The following TMEM156 variants were observed in gnomAD, a reference collection of about 807,000 sequenced individuals.
TMEM156 encodes transmembrane protein 156.
TMEM156 carries 28 observed loss-of-function variants against 30.5 expected under a neutral mutation model. The ratio of observed to expected loss-of-function variants is 0.92; its 90% CI spans 0.68 to 1.26. The LOEUF is 1.26. Among genes scored for constraint, TMEM156 ranks in the 50% most tolerant of loss-of-function variants. The pLI, the probability that TMEM156 is intolerant of heterozygous loss-of-function variation, is 0.00. For synonymous variants in TMEM156, 137 were observed against 119.9 expected (o/e 1.14, Z -0.93); for missense variants, 351 against 340.6 (o/e 1.03, Z -0.24).
chr4:39,025,018 A>G (rs1368644324), intron 1 of TMEM156, among the ~76,000 whole-genome samples: 3 of 152,186 alleles, frequency 2.0e-5, no homozygotes, highest in Non-Finnish European at 2.9e-5. Flanking sequence ...TCATTAACAT[A>G]TGATGTTTTC....
At chr4:38,974,653 G>T (rs56084845) in intron 5 of TMEM156, among the ~76,000 whole-genome samples, 2 of 148,996 alleles carry the variant, frequency 1.3e-5, no homozygotes, top group African/African-American at 2.5e-5. Flanking sequence ...TTTAACTGAA[G>T]ATTTTTTTTA....
intron 1 of TMEM156, among the ~76,000 whole-genome samples, chr4:39,001,214 CAAA>C (rs34945666): frequency 2.6e-5 from 3 of 115,074 alleles, no homozygotes; most frequent in East Asian, 2.4e-4. Flanking sequence ...ACTAAAAATA[CAAA>C]AAAAAAAAAA....
chr4:38,986,121 A>C (rs1711962891), intron 5 of TMEM156, among the ~76,000 whole-genome samples: 1 of 152,202 alleles, frequency 6.6e-6, no homozygotes, highest in Non-Finnish European at 1.5e-5. Context: ...CAATTAAGCA[A>C]ACTTTCCATT....
chr4:39,002,897 G>A (rs1056747687), intron 1 of TMEM156, among the ~76,000 whole-genome samples: 2 of 151,922 alleles, frequency 1.3e-5, no homozygotes, highest in East Asian at 1.9e-4. Context: ...GGGGGTGGAC[G>A]GGGGAGGGAT....
intron 5 of TMEM156, among the ~76,000 whole-genome samples, chr4:38,985,238 A>G (rs993793857): frequency 1.3e-5 from 2 of 152,234 alleles, no homozygotes; most frequent in East Asian, 1.9e-4. Context: ...TATTAATCAA[A>G]TAAGATTTTC....
Position 39,021,596 on chromosome 4 carries a change from G to T in TMEM156, c.88+10630C>A, listed in dbSNP as rs537694375. On this transcript the variant is annotated intron_variant, in intron 1 of 6. Coordinates refer to ENST00000381938, the MANE Select transcript of TMEM156 (RefSeq NM_024943.3). ...GCAACTATTTTCTCTCATTCCGTAA[G>T]TTTCTTTTCACTCATTTCCTTTGCT... 1.6e-4 allele frequency among the ~76,000 whole-genome samples: 24 copies of T among 152,128 alleles called. No individual in the cohort carries two copies. In the East Asian group the frequency reaches 3.1e-3, roughly 20 times the overall value.
chr4:39,021,632 T>A (rs974735309), intron 1 of TMEM156, among the ~76,000 whole-genome samples: 3 of 152,210 alleles, frequency 2.0e-5, no homozygotes, highest in African/African-American at 7.2e-5. Flanking sequence ...ATGCAGAAGA[T>A]TTTTAGTTTG....
chr4:38,978,707 A>G (rs192116417), intron 5 of TMEM156, among the ~76,000 whole-genome samples: 1 of 152,342 alleles, frequency 6.6e-6, no homozygotes, highest in Admixed American at 6.5e-5. Context: ...GTTAAATGTT[A>G]AAACCTCTCT....
At chr4:38,996,085 A>AAT (rs1553879531) in intron 2 of TMEM156, among the ~76,000 whole-genome samples, 1 of 152,164 alleles carries the variant, frequency 6.6e-6, no homozygotes, top group Non-Finnish European at 1.5e-5. Flanking sequence ...AATTGCAAAA[A>AAT]ATATATATAT....
At chr4:39,005,385 C>A (rs560228472) in intron 1 of TMEM156, among the ~76,000 whole-genome samples, 1 of 152,208 alleles carries the variant, frequency 6.6e-6, no homozygotes, top group South Asian at 2.1e-4. Flanking sequence ...TTTATAAGAG[C>A]CTCTTCCCTC....
intron 1 of TMEM156, among the ~76,000 whole-genome samples, chr4:39,027,758 C>CTTTTTTTTTTTTTTTTT (rs112766367): frequency 1.7e-5 from 2 of 120,796 alleles, no homozygotes; most frequent in Non-Finnish European, 3.3e-5. Flanking sequence ...TTTTCTTTTT[C>CTTTTTTTTTTTTTTTTT]TTTTTTTTTT....
intron 5 of TMEM156, among the ~76,000 whole-genome samples, chr4:38,978,337 G>T (rs191628086): frequency 2.6e-3 from 391 of 152,242 alleles, no homozygotes; most frequent in South Asian, 4.1e-3. Context: ...TGCCCTCCAC[G>T]TCCCAAATAG....
intron 1 of TMEM156, among the ~76,000 whole-genome samples, chr4:39,029,121 G>A (rs770645965): frequency 5.3e-5 from 8 of 151,972 alleles, no homozygotes; most frequent in African/African-American, 9.7e-5. Context: ...TTATTATTTC[G>A]AAATCAAATC....
intron 1 of TMEM156, among the ~76,000 whole-genome samples, chr4:39,026,219 A>C (rs536528114): frequency 6.6e-6 from 1 of 152,330 alleles, no homozygotes; most frequent in Admixed American, 6.5e-5. Flanking sequence ...CACCATATGA[A>C]TGTTTTAGAG....
At position 39,032,380 on chromosome 4, in the gene TMEM156, G is replaced by A; in HGVS notation, c.-67C>T. The A allele has an allele frequency of 1.1e-6, 1 of 912,818 alleles. No individual in the cohort carries two copies. Among genetic ancestry groups the A allele is most frequent in the Non-Finnish European group, 1.7e-6 (1 of 580,244 alleles). The allele number at this position is 912,818 out of a possible 1,614,324, so 56.5% of individuals were successfully genotyped here. A position where few individuals can be genotyped will look rare whatever the true frequency, so the allele number is the denominator to read the frequency against. ...CATGGTATGTTGCTTCCTGCTTTAAGTTTATCTCTGCAGCACTTTAGGTTA... is the reference window on the plus strand; with the variant it reads ...CATGGTATGTTGCTTCCTGCTTTAAATTTATCTCTGCAGCACTTTAGGTTA... On this transcript the variant is annotated 5_prime_UTR_variant, in exon 1 of 7. Transcript: ENST00000381938.
intron 1 of TMEM156, among the ~76,000 whole-genome samples, chr4:39,023,191 A>C (rs535443378): frequency 6.6e-6 from 1 of 152,210 alleles, no homozygotes; most frequent in Non-Finnish European, 1.5e-5. Context: ...GAGGACCCTC[A>C]TCAGAATCAA....
chr4:38,993,022 A>G (rs963604413), intron 3 of TMEM156, among the ~76,000 whole-genome samples: 4 of 151,202 alleles, frequency 2.6e-5, no homozygotes, highest in African/African-American at 9.7e-5. Flanking sequence ...CAGCCTCCCA[A>G]AGTGCTGGGA....
rs1229129368 is a variant in TMEM156, at chr4:38,971,085, T to C, written c.876A>G (p.Pro292=). Residue 292 remains proline (P), a synonymous_variant, in exon 6 of 7, where the codon CCA becomes CCG. Coordinates refer to ENST00000381938, the MANE Select transcript of TMEM156 (RefSeq NM_024943.3). ...PLDQVQEVLP[P]IPEL ...TGGAAGTAACTTATAGTTCTGGAAT[T>C]GGGGGAAGCACTTCCTGGACTTGAT... 1 of 1,613,904 alleles carries C rather than the reference T, an allele frequency of 6.2e-7. No homozygotes were observed. The highest frequency in any genetic ancestry group is 1.7e-5 in the Admixed American group (1 of 60,006).
rs781192828 is a variant in TMEM156, at chr4:38,971,126, G to T, written c.835C>A (p.Gln279Lys). 9.9e-6 allele frequency: 16 copies of T among 1,613,958 alleles called. No individual in the cohort carries two copies. Among genetic ancestry groups the T allele is most frequent in the Non-Finnish European group, 1.4e-5 (16 of 1,179,884 alleles). Residue 279 changes from glutamine to lysine, a missense_variant, in exon 6 of 7, where the codon CAG (glutamine) becomes AAG (lysine). Gln to Lys is a moderately conservative substitution (Grantham distance 53). Coordinates refer to ENST00000381938, the MANE Select transcript of TMEM156 (RefSeq NM_024943.3). ...TGGACTTGATCCAAAGGCAGCCTCT[G>T]CGTGGTCTCTGCTATTTAAGAAGGA... ...NVQVLSAETT[Q>K]RLPLDQVQEV...
Sources: gnomAD v4.1 joint callset for allele counts (sites outside exome capture counted in the v4.1 genomes callset) on GRCh38, gnomAD v4.1.1 for gene constraint, MANE v1.5 for transcripts, NCBI Gene and HGNC (gene_info 2026-07-23, HGNC 2026-07-21) for gene names.